ANKLE2: variants seen among roughly 807,000 people sequenced by gnomAD.
ANKLE2 encodes the protein ankyrin repeat and LEM domain-containing protein 2.
A neutral mutation model predicts 84.2 loss-of-function variants in ANKLE2; 55 were observed. That is an observed-to-expected ratio of 0.65 (90% CI 0.53 to 0.82). ANKLE2 has a LOEUF of 0.82. Ranked by LOEUF, ANKLE2 falls within the 40% of genes least tolerant of loss-of-function variation. ANKLE2 has a pLI of 0.00. For missense variants in ANKLE2, 1,238 were observed against 1,201.9 expected (o/e 1.03, Z -0.44); for synonymous variants, 551 against 486.1 (o/e 1.13, Z -1.76).
chr12:132,727,365 C>A lies in ANKLE2; in HGVS notation c.2694G>T (p.Gly898=), dbSNP rs2043719733. 2 of 1,561,420 alleles carry A rather than the reference C, an allele frequency of 1.3e-6. No individual in the cohort carries two copies. The highest frequency in any genetic ancestry group is 2.4e-5 in the East Asian group (1 of 42,032). The part of the protein sequence containing the change: ...DLSGPHSYSP[G]RNSVAGSNPA... ...GGTTGCTTCCAGCCACGCTGTTTCT[C>A]CCCGGACTGTAGCTGTGAGGGCCAC... Residue 898 remains glycine, a synonymous_variant, in exon 13 of 13, where the codon GGG becomes GGT. Coordinates refer to ENST00000357997, the MANE Select transcript of ANKLE2 (RefSeq NM_015114.3).
intron 3 of ANKLE2, among the ~76,000 whole-genome samples, chr12:132,750,391 C>CAA (rs373236368): frequency 7.1e-6 from 1 of 141,626 alleles, no homozygotes; most frequent in African/African-American, 2.6e-5. Flanking sequence ...TGTCTCTTTA[C>CAA]AAAAAAAAAA....
At position 132,728,253 on chromosome 12, in the gene ANKLE2, G is replaced by A. The variant is rs148856897; in HGVS notation, c.2484-90C>T. 4.9e-4 allele frequency: 741 copies of A among 1,503,692 alleles called. 4 individuals carry two copies. The African/African-American group carries it at 7.5e-3, about 15-fold the overall frequency. The allele number at this position is 1,503,692 out of a possible 1,614,324, so 93.1% of individuals were successfully genotyped here. A position where few individuals can be genotyped will look rare whatever the true frequency, so the allele number is the denominator to read the frequency against. On this transcript the variant is annotated intron_variant, in intron 11 of 12. Coordinates refer to ENST00000357997, the MANE Select transcript of ANKLE2 (RefSeq NM_015114.3). Reference sequence around the variant, plus strand: ...ACTACTTTTTTTTTTATTTTGAGACGGAGTCTTGCTCTGTCGCCCAGGCTG... The same window carrying A: ...ACTACTTTTTTTTTTATTTTGAGACAGAGTCTTGCTCTGTCGCCCAGGCTG...
chr12:132,755,617 G>A (rs2136180894), intron 1 of ANKLE2: 1 of 151,566 alleles, frequency 6.6e-6, no homozygotes, highest in East Asian at 2.0e-4. Flanking sequence ...CTGGAGTGCA[G>A]TGGTGCTATC....
chr12:132,729,122 G>A lies in ANKLE2; in HGVS notation c.2483+557C>T, dbSNP rs1369344873. On this transcript the variant is annotated intron_variant, in intron 11 of 12. Coordinates refer to ENST00000357997, the MANE Select transcript of ANKLE2 (RefSeq NM_015114.3). The stretch of plus-strand genomic sequence containing the variant: ...GATCCCAACACTTTGGGAGGCCGAG[G>A]CAGGTGGATCACGAGGTCAGGAGTT... Among the ~76,000 whole-genome samples the A allele has an allele frequency of 4.6e-5, 7 of 151,736 alleles. 1 individual carries two copies. The East Asian group carries it at 1.4e-3, about 30-fold the overall frequency.
At chr12:132,747,124 G>A (rs116043888) in intron 5 of ANKLE2, among the ~76,000 whole-genome samples, 1,539 of 152,330 alleles carry the variant, frequency 0.01, 27 homozygotes, top group African/African-American at 0.034. Context: ...GTGGAGGGTG[G>A]GGCATGGGCA....
At chr12:132,735,998 C>G (rs573565639) in intron 8 of ANKLE2, among the ~76,000 whole-genome samples, 5 of 152,380 alleles carry the variant, frequency 3.3e-5, no homozygotes, top group Non-Finnish European at 7.3e-5. Flanking sequence ...GTCGCCCAGG[C>G]TGGAGTGCAG....
At chr12:132,755,733 G>A (rs1044081068) in intron 1 of ANKLE2, 1 of 151,602 alleles carries the variant, frequency 6.6e-6, no homozygotes, top group African/African-American at 2.4e-5. Flanking sequence ...GCTAATTTTT[G>A]TATTTTTAGG....
In ANKLE2 at chr12:132,743,297, A is replaced by G; in HGVS notation, c.1231-21T>C. 6.3e-7 allele frequency: 1 copy of G among 1,578,546 alleles called. No individual in the cohort carries two copies. Among genetic ancestry groups the G allele is most frequent in the East Asian group, 2.3e-5 (1 of 43,718 alleles). On this transcript the variant is annotated intron_variant, in intron 5 of 12. Coordinates refer to ENST00000357997, the MANE Select transcript of ANKLE2 (RefSeq NM_015114.3). The surrounding 1 kb of genome is among the most constrained non-coding windows in gnomAD (Gnocchi z 4.1). ...TAGCCCTGAAAAAAGGTGCAGAGGA[A>G]GTACAATTATTCACACTTGTCTCAT...
intron 7 of ANKLE2, among the ~76,000 whole-genome samples, chr12:132,739,273 TACG>T (rs1195469306): frequency 2.0e-5 from 3 of 152,192 alleles, no homozygotes; most frequent in Admixed American, 2.0e-4. Flanking sequence ...TAAGAAAAAG[TACG>T]ACAATTTCCA....
intron 11 of ANKLE2, among the ~76,000 whole-genome samples, chr12:132,728,976 C>G (rs1452329367): frequency 6.6e-6 from 1 of 152,080 alleles, no homozygotes; most frequent in Non-Finnish European, 1.5e-5. Context: ...CACCCACGGT[C>G]CAACCAGAGG....
At chr12:132,729,171 C>T (rs1488620301) in intron 11 of ANKLE2, among the ~76,000 whole-genome samples, 5 of 150,466 alleles carry the variant, frequency 3.3e-5, no homozygotes, top group Admixed American at 6.6e-5. Flanking sequence ...GCCAATATGG[C>T]GAAACCCCAT....
At chr12:132,734,238 C>A in intron 10 of ANKLE2, 147 bp downstream of exon 10, 1 of 860,030 alleles carries the variant, frequency 1.2e-6, no homozygotes, top group South Asian at 1.7e-5. Context: ...AAGAGAGGTT[C>A]CGTCTCAAAA....
intron 1 of ANKLE2, 197 bp from the exon 2 acceptor site, chr12:132,755,330 G>A: frequency 1.9e-6 from 1 of 522,386 alleles, no homozygotes; most frequent in Non-Finnish European, 3.3e-6. Context: ...GATCATCTGA[G>A]GTCAGGAGTT....
intron 8 of ANKLE2, among the ~76,000 whole-genome samples, chr12:132,736,582 G>A (rs535806111): frequency 0.058 from 8,792 of 152,234 alleles, 352 homozygotes; most frequent in East Asian, 0.15. Context: ...TGCCTAGGAC[G>A]GGCCATCAAC....
At chr12:132,741,636 GA>G in intron 6 of ANKLE2, 151 bp from the exon 7 acceptor site, 1 of 758,396 alleles carries the variant, frequency 1.3e-6, no homozygotes, top group Non-Finnish European at 2.2e-6. Flanking sequence ...GAAAACGTGT[GA>G]AGAGTGTGGT....
chr12:132,756,979 T>C (rs1269734606), intron 1 of ANKLE2: 1 of 149,236 alleles, frequency 6.7e-6, no homozygotes, highest in Non-Finnish European at 1.5e-5. Flanking sequence ...AATAAGTAAA[T>C]AAACAAAAAG....
rs187009143 is a variant in ANKLE2 at position 132,747,202 on chromosome 12, C to T, written c.1230+630G>A. Among the ~76,000 whole-genome samples, 6 of 152,330 alleles carry T rather than the reference C, an allele frequency of 3.9e-5. No individual in the cohort carries two copies. In the South Asian group the frequency reaches 8.3e-4, roughly 21 times the overall value. ...TCGTTCCTGTTTCTAAGCAGTCGCACCCCAGCAGCCTCTCTCTCTCCACAG... is the reference window on the plus strand; with the variant it reads ...TCGTTCCTGTTTCTAAGCAGTCGCATCCCAGCAGCCTCTCTCTCTCCACAG... On this transcript the variant is annotated intron_variant, in intron 5 of 12. Transcript: ENST00000357997.
At chr12:132,752,701 A>T (rs2044382513) in intron 2 of ANKLE2, among the ~76,000 whole-genome samples, 1 of 152,192 alleles carries the variant, frequency 6.6e-6, no homozygotes, top group Non-Finnish European at 1.5e-5. Context: ...CTTACAGAAC[A>T]ATATTCCATT....
At chr12:132,760,161 G>C (rs1452022166) in intron 1 of ANKLE2, 2 of 151,072 alleles carry the variant, frequency 1.3e-5, no homozygotes, top group African/African-American at 4.9e-5. Flanking sequence ...AAAGTGGTAG[G>C]GCCGAGACAC....
Sources: gnomAD v4.1 joint callset for allele counts (sites outside exome capture counted in the v4.1 genomes callset) on GRCh38, gnomAD v4.1.1 for gene constraint, Gnocchi (gnomAD v3.1) non-coding constraint, MANE v1.5 for transcripts, NCBI Gene and HGNC (gene_info 2026-07-23, HGNC 2026-07-21) for gene names.